The following GGTA1 variants were observed in gnomAD, a reference collection of about 807,000 sequenced individuals.
The protein encoded by GGTA1 is glycoprotein alpha-galactosyltransferase 1 (inactive).
Under a neutral mutation model 2.6 loss-of-function variants are expected in GGTA1, and 5 were observed. The observed-to-expected ratio is 1.92, with a 90% CI of 1.00 to 4.04. The LOEUF is 4.04. Among genes scored for constraint, GGTA1 ranks in the 30% most tolerant of loss-of-function variants. The probability of loss-of-function intolerance (pLI) is 0.00; values close to 1 mark genes in which losing one functional copy is unlikely to be tolerated. For missense variants in GGTA1, 50 were observed against 16.7 expected (o/e 2.99, Z -3.47); for synonymous variants, 17 against 5.0 (o/e 3.38, Z -3.19).
In GGTA1 at chr9:121,467,041, G is replaced by A. The variant is rs373874053; in HGVS notation, c.80+802C>T. 7.2e-5 allele frequency among the ~76,000 whole-genome samples: 11 copies of A among 151,746 alleles called. No homozygotes were observed. In the East Asian group the frequency reaches 9.7e-4, roughly 13 times the overall value. ...AACTTGGGGGCCACTGAAACACTCCGCTATGAAAATATTAATGGTACCAAA... is the reference window on the plus strand; with the variant it reads ...AACTTGGGGGCCACTGAAACACTCCACTATGAAAATATTAATGGTACCAAA... On this transcript the variant is annotated intron_variant, in intron 2 of 5. Coordinates refer to ENST00000481799, the MANE Select transcript of GGTA1 (RefSeq NM_001382585.1).
chr9:121,482,250 T>A (rs913826925), intron 1 of GGTA1, among the ~76,000 whole-genome samples: 1 of 150,864 alleles, frequency 6.6e-6, no homozygotes, highest in South Asian at 2.1e-4. Flanking sequence ...GAAGGATCCC[T>A]TGAGCCCAGG....
chr9:121,499,744 G>T lies in GGTA1; in HGVS notation c.-104C>A, dbSNP rs752394062. ...TCCCGGCCCCGGCGAAGCCCTACGC[G>T]CTCTGATCAGCCACCGCGCCGCCTC... is the stretch of plus-strand genomic sequence containing the variant. On this transcript the variant is annotated 5_prime_UTR_variant, in exon 1 of 6. Transcript: ENST00000481799. 1 of 151,976 alleles carries T rather than the reference G, an allele frequency of 6.6e-6. No homozygotes were observed. Among genetic ancestry groups the T allele is most frequent in the Non-Finnish European group, 1.5e-5 (1 of 68,032 alleles). 9.4% of individuals were successfully genotyped at this position (151,976 alleles called of 1,614,324 possible).
rs561543577 is a variant in GGTA1 at position 121,487,476 on chromosome 9, T to C, written c.-10+12174A>G. Among the ~76,000 whole-genome samples the C allele has an allele frequency of 2.0e-5, 3 of 147,032 alleles. No homozygotes were observed. The South Asian group carries it at 6.6e-4, about 32-fold the overall frequency. ...CTGTAATCCCAGCTACTCAGGAGGC[T>C]GAGTCAGGAGAATCGTTTGAACCCG... On this transcript the variant is annotated intron_variant, in intron 1 of 5. Coordinates refer to ENST00000481799, the MANE Select transcript of GGTA1 (RefSeq NM_001382585.1).
chr9:121,481,514 C>T (rs1248931369), intron 1 of GGTA1, among the ~76,000 whole-genome samples: 1 of 151,482 alleles, frequency 6.6e-6, no homozygotes, highest in Non-Finnish European at 1.5e-5. Flanking sequence ...GAAACGCCGT[C>T]TCTACTAAAA....
In GGTA1 at chr9:121,479,098, G is replaced by C. The variant is rs1314804354; in HGVS notation, c.-9-11167C>G. 8.8e-6 allele frequency: 4 copies of C among 456,492 alleles called. No homozygotes were observed. In the Admixed American group the frequency reaches 9.4e-5, roughly 11 times the overall value. 28.3% of individuals were successfully genotyped at this position (456,492 alleles called of 1,614,324 possible). A position where few individuals can be genotyped will look rare whatever the true frequency, so the allele number is the denominator to read the frequency against. On this transcript the variant is annotated intron_variant, in intron 1 of 5. Transcript: ENST00000481799. The stretch of plus-strand genomic sequence containing the variant: ...TCCCTGAGCCGGCATCCTTCTTCCA[G>C]GTCCACTGCTGGAGAGACAAGGACT...
At chr9:121,473,442 C>T (rs138874269) in intron 1 of GGTA1, among the ~76,000 whole-genome samples, 3 of 152,212 alleles carry the variant, frequency 2.0e-5, no homozygotes, top group Admixed American at 6.5e-5. Context: ...TCCAAGCCTC[C>T]AGGGAGGAAA....
chr9:121,478,639 T>C (rs1311499632), intron 1 of GGTA1, among the ~76,000 whole-genome samples: 1 of 152,148 alleles, frequency 6.6e-6, no homozygotes. Context: ...TCCAGTTTTG[T>C]TTTTCATTAT....
intron 1 of GGTA1, among the ~76,000 whole-genome samples, chr9:121,470,648 T>C (rs1171612696): frequency 6.6e-6 from 1 of 152,242 alleles, no homozygotes; most frequent in Non-Finnish European, 1.5e-5. Context: ...ACCAATTCCA[T>C]CTTGCTCCTA....
rs181227511 is a variant in GGTA1 at position 121,468,499 on chromosome 9, T to A, written c.-9-568A>T. The stretch of plus-strand genomic sequence containing the variant: ...AAACACATGTGTGCATGTATCTTTA[T>A]AATAGAATGATTTATAATCCTTTAG... On this transcript the variant is annotated intron_variant, in intron 1 of 5. Coordinates refer to ENST00000481799, the MANE Select transcript of GGTA1 (RefSeq NM_001382585.1). Among the ~76,000 whole-genome samples the A allele has an allele frequency of 5.3e-5, 8 of 152,364 alleles. No homozygotes were observed. The East Asian group carries it at 1.5e-3, about 29-fold the overall frequency.
chr9:121,481,553 T>C (rs540314361), intron 1 of GGTA1, among the ~76,000 whole-genome samples: 1 of 150,568 alleles, frequency 6.6e-6, no homozygotes, highest in South Asian at 2.1e-4. Context: ...TGTGGTGGCA[T>C]GTGCTTGTAA....
chr9:121,447,992 G>C (rs1056614830), intron 7 of GGTA1, among the ~76,000 whole-genome samples: 1 of 152,160 alleles, frequency 6.6e-6, no homozygotes, highest in Non-Finnish European at 1.5e-5. Flanking sequence ...GGGTTTTACA[G>C]GAAGCTTAGT....
intron 2 of GGTA1, among the ~76,000 whole-genome samples, chr9:121,465,480 C>T (rs2064998892): frequency 6.6e-6 from 1 of 152,152 alleles, no homozygotes; most frequent in Admixed American, 6.5e-5. Flanking sequence ...ATGTGGAGGC[C>T]CTGCCCTCAG....
intron 1 of GGTA1, among the ~76,000 whole-genome samples, chr9:121,490,014 C>A (rs1461973471): frequency 6.6e-6 from 1 of 152,176 alleles, no homozygotes; most frequent in Non-Finnish European, 1.5e-5. Context: ...TAAATCAAAT[C>A]CCCGTTTCAG....
At chr9:121,477,073 G>A (rs1242628043) in intron 1 of GGTA1, among the ~76,000 whole-genome samples, 1 of 152,194 alleles carries the variant, frequency 6.6e-6, no homozygotes, top group Admixed American at 6.5e-5. Context: ...TATGATCCAG[G>A]TCTCACAGCC....
At chr9:121,499,231 T>C (rs1829055335) in intron 1 of GGTA1, among the ~76,000 whole-genome samples, 1 of 151,924 alleles carries the variant, frequency 6.6e-6, no homozygotes. Context: ...GCCCTTCCTA[T>C]CTTGTCCTGG....
chr9:121,455,768 C>T lies in GGTA1; in HGVS notation c.*69G>A. On this transcript the variant is annotated 3_prime_UTR_variant, in exon 6 of 6. Transcript: ENST00000481799. ...GTTACACACTCCTTAACCGCATGAT[C>T]TCTCAGTCCAGGTCTTCTAGAAGGA... is the stretch of plus-strand genomic sequence containing the variant. 2.2e-6 allele frequency: 1 copy of T among 447,796 alleles called. No homozygotes were observed. The highest frequency in any genetic ancestry group is 4.5e-6 in the Non-Finnish European group (1 of 223,826). 27.7% of individuals were successfully genotyped at this position (447,796 alleles called of 1,614,324 possible). A position where few individuals can be genotyped will look rare whatever the true frequency, so the allele number is the denominator to read the frequency against.
intron 1 of GGTA1, among the ~76,000 whole-genome samples, chr9:121,482,341 G>A (rs915533266): frequency 2.0e-5 from 3 of 152,168 alleles, no homozygotes; most frequent in East Asian, 3.9e-4. Context: ...AGTGGCATGT[G>A]CCTGTAGTCC....
intron 5 of GGTA1, among the ~76,000 whole-genome samples, chr9:121,456,345 T>C (rs181698325): frequency 2.0e-5 from 3 of 152,310 alleles, no homozygotes; most frequent in East Asian, 1.9e-4. Flanking sequence ...TCCTAGGTTA[T>C]TGGCAGCTTT....
intron 2 of GGTA1, among the ~76,000 whole-genome samples, chr9:121,465,005 C>CA (rs1036218289): frequency 3.3e-4 from 39 of 117,954 alleles, no homozygotes; most frequent in Admixed American, 1.9e-3. Context: ...ACAAAACAAA[C>CA]AAAAAAAAAA....
Sources: allele counts gnomAD v4.1 joint callset (sites outside exome capture counted in the v4.1 genomes callset), GRCh38; gene constraint gnomAD v4.1.1; transcripts MANE v1.5; gene names NCBI Gene and HGNC (gene_info 2026-07-23, HGNC 2026-07-21).